The following SS18 variants were observed in gnomAD, a reference collection of about 807,000 sequenced individuals.
SS18 encodes the protein protein SSXT.
SS18 carries 28 observed loss-of-function variants against 72.5 expected under a neutral mutation model. The observed-to-expected ratio is 0.39, with a 90% confidence interval of 0.29 to 0.53. SS18 has a LOEUF of 0.53. Ranked by LOEUF, SS18 falls within the 20% of genes least tolerant of loss-of-function variation. The pLI, the probability that SS18 is intolerant of heterozygous loss-of-function variation, is 0.76. For missense variants in SS18, 518 were observed against 535.3 expected (o/e 0.97, Z 0.32); for synonymous variants, 172 against 164.2 (o/e 1.05, Z -0.37).
chr18:26,073,992 T>C (rs1247826220), intron 3 of SS18, among the ~76,000 whole-genome samples: 1 of 152,134 alleles, frequency 6.6e-6, no homozygotes, highest in African/African-American at 2.4e-5. Flanking sequence ...ACATTTGAAT[T>C]TCCAAGCAAG....
chr18:26,044,956 A>T (rs190676251), intron 5 of SS18, among the ~76,000 whole-genome samples: 2 of 152,316 alleles, frequency 1.3e-5, no homozygotes, highest in Admixed American at 1.3e-4. Flanking sequence ...ACACATAGTG[A>T]CTGTTCAAGG....
chr18:26,023,710 C>T, intron 10 of SS18: 1 of 501,536 alleles, frequency 2.0e-6, no homozygotes, highest in South Asian at 1.7e-5. Flanking sequence ...CTGATTATTA[C>T]CAGTACACCT....
chr18:26,029,480 A>G (rs910988125), intron 10 of SS18, among the ~76,000 whole-genome samples: 3 of 152,146 alleles, frequency 2.0e-5, no homozygotes, highest in African/African-American at 2.4e-5. Context: ...GGGTGAAAGG[A>G]GACTGTGAAA....
At chr18:26,025,313 A>T (rs2053426607) in intron 10 of SS18, among the ~76,000 whole-genome samples, 2 of 152,174 alleles carry the variant, frequency 1.3e-5, no homozygotes, top group Admixed American at 1.3e-4. Flanking sequence ...AATCTTAAGA[A>T]ACTGGAAAAA....
At chr18:26,063,266 TC>T (rs2054155869) in intron 3 of SS18, among the ~76,000 whole-genome samples, 1 of 152,188 alleles carries the variant, frequency 6.6e-6, no homozygotes, top group African/African-American at 2.4e-5. Flanking sequence ...ATGCCTGTAA[TC>T]CCAGCACTTT....
At chr18:26,090,922 A>G (rs2054716964), upstream of SS18, 3 of 362,582 alleles carry the variant, frequency 8.3e-6, no homozygotes, top group East Asian at 1.2e-4. Flanking sequence ...GCCGCGGGAG[A>G]AGGAGAGGCT....
At chr18:26,022,773 C>T (rs1191593481) in intron 10 of SS18, among the ~76,000 whole-genome samples, 1 of 152,168 alleles carries the variant, frequency 6.6e-6, no homozygotes, top group Non-Finnish European at 1.5e-5. Flanking sequence ...CAGCATAGTA[C>T]AGATATGCAA....
At chr18:26,057,446 G>A in intron 4 of SS18, 143 bp downstream of exon 4, 6 of 922,292 alleles carry the variant, frequency 6.5e-6, no homozygotes, top group Non-Finnish European at 9.9e-6. Context: ...ACGTAGCTCT[G>A]TAGCTAACAA....
intron 2 of SS18, among the ~76,000 whole-genome samples, chr18:26,079,765 T>C (rs2054483250): frequency 6.6e-6 from 1 of 152,000 alleles, no homozygotes; most frequent in African/African-American, 2.4e-5. Context: ...GCATTTTTAA[T>C]AGACAGGGTT....
intron 3 of SS18, 131 bp downstream of exon 3, chr18:26,077,945 T>A (rs866011133): frequency 1.8e-6 from 1 of 560,198 alleles, no homozygotes; most frequent in Non-Finnish European, 3.0e-6. Flanking sequence ...TTAGATAACA[T>A]AGAATACTTT....
At chr18:26,027,257 C>T (rs964459363) in intron 10 of SS18, among the ~76,000 whole-genome samples, 1 of 152,094 alleles carries the variant, frequency 6.6e-6, no homozygotes, top group Non-Finnish European at 1.5e-5. Context: ...CATAAAGATA[C>T]ATAAACAGAT....
chr18:26,034,786 C>T (rs2053599766), intron 9 of SS18, among the ~76,000 whole-genome samples: 1 of 152,110 alleles, frequency 6.6e-6, no homozygotes, highest in Non-Finnish European at 1.5e-5. Context: ...CACACATTAC[C>T]TTTGGTCATG....
At chr18:26,067,224 C>G (rs1005623350) in intron 3 of SS18, among the ~76,000 whole-genome samples, 7 of 152,134 alleles carry the variant, frequency 4.6e-5, no homozygotes, top group Non-Finnish European at 1.0e-4. Context: ...TAACTAGACA[C>G]CTTTAATTGT....
intron 10 of SS18, among the ~76,000 whole-genome samples, chr18:26,024,607 AC>A (rs1250808379): frequency 1.3e-5 from 2 of 151,882 alleles, no homozygotes; most frequent in Admixed American, 1.3e-4. Flanking sequence ...GTGAGCCACC[AC>A]CCCCAGTCTA....
At chr18:26,064,118 T>C (rs2054171975) in intron 3 of SS18, among the ~76,000 whole-genome samples, 1 of 152,136 alleles carries the variant, frequency 6.6e-6, no homozygotes. Flanking sequence ...AATAGAAAAC[T>C]GAAACAATCC....
At chr18:26,061,934 G>A (rs1485637904) in intron 3 of SS18, among the ~76,000 whole-genome samples, 1 of 152,138 alleles carries the variant, frequency 6.6e-6, no homozygotes, top group Non-Finnish European at 1.5e-5. Context: ...TTAAACAAAT[G>A]TAGAAAAAGA....
At chr18:26,043,994 C>T (rs1220891579) in intron 5 of SS18, among the ~76,000 whole-genome samples, 1 of 152,118 alleles carries the variant, frequency 6.6e-6, no homozygotes, top group East Asian at 1.9e-4. Context: ...GTTATTCATA[C>T]TAACCATTTC....
chr18:26,026,839 A>C (rs1471887593), intron 10 of SS18, among the ~76,000 whole-genome samples: 2 of 152,226 alleles, frequency 1.3e-5, no homozygotes, highest in Non-Finnish European at 2.9e-5. Flanking sequence ...TATACTAGCA[A>C]CTAATAACTG....
At chr18:26,063,111 C>G (rs940665435) in intron 3 of SS18, among the ~76,000 whole-genome samples, 1 of 152,188 alleles carries the variant, frequency 6.6e-6, no homozygotes, top group Non-Finnish European at 1.5e-5. Context: ...GAATCACATA[C>G]TGGGCCATAA....
Sources: gnomAD v4.1 joint callset for allele counts (sites outside exome capture counted in the v4.1 genomes callset) on GRCh38, gnomAD v4.1.1 for gene constraint, MANE v1.5 for transcripts, NCBI Gene and HGNC (gene_info 2026-07-23, HGNC 2026-07-21) for gene names.